Variants in FNTB observed in about 807,000 individuals in gnomAD.
FNTB encodes the protein farnesyltransferase, CAAX box, subunit beta, also known as protein farnesyltransferase subunit beta.
Under a neutral mutation model 59.4 loss-of-function variants are expected in FNTB, and 27 were observed. The observed-to-expected ratio is 0.45, with a 90% CI of 0.34 to 0.63. The LOEUF (loss-of-function observed/expected upper bound fraction) is 0.63, where lower values mean the gene tolerates loss of function less well. FNTB is among the 20% of genes least tolerant of loss of function. The probability of loss-of-function intolerance (pLI) is 0.02; values close to 1 mark genes in which losing one functional copy is unlikely to be tolerated. For synonymous variants in FNTB, 230 were observed against 220.7 expected, an observed-to-expected ratio of 1.04 and a Z score of -0.37; for missense variants, 449 against 559.6, an observed-to-expected ratio of 0.80 and a Z score of 1.99.
Position 65,014,632 on chromosome 14 carries a change from AGT to A in FNTB, c.283-991_283-990del, listed in dbSNP as rs1258043961. ...AGTTCAAGACCAGCCTGGGCAACAT[AGT>A]GGGATGCTGTCTCTATAAAAACTTA... On this transcript the variant is annotated intron_variant, in intron 3 of 11. Coordinates refer to ENST00000246166, the MANE Select transcript of FNTB (RefSeq NM_002028.4). The surrounding 1 kb of genome is among the most constrained non-coding windows in gnomAD (Gnocchi z 5.1). 6.6e-6 allele frequency among the ~76,000 whole-genome samples: 1 copy of A among 152,094 alleles called. No homozygotes were observed. Among genetic ancestry groups the A allele is most frequent in the Non-Finnish European group, 1.5e-5 (1 of 68,020 alleles).
rs2062112359 is a variant in FNTB at position 65,032,822 on chromosome 14, G to T, written c.692+126G>T. 4 of 752,630 alleles carry T rather than the reference G, an allele frequency of 5.3e-6. No individual in the cohort carries two copies. Among genetic ancestry groups the T allele is most frequent in the South Asian group, 2.9e-5 (1 of 34,684 alleles). 46.6% of individuals were successfully genotyped at this position (752,630 alleles called of 1,614,324 possible). On this transcript the variant is annotated intron_variant, in intron 7 of 11. Transcript: ENST00000246166. The surrounding 1 kb of genome is among the most constrained non-coding windows in gnomAD (Gnocchi z 5.0). ...CAAAAATCACAGGAGATCCATTAGG[G>T]TTATCTAATGATTTTTTTAAATACT...
intron 11 of FNTB, among the ~76,000 whole-genome samples, chr14:65,057,902 C>T (rs2062774750): frequency 6.6e-6 from 1 of 152,136 alleles, no homozygotes. Context: ...TTATTTTGTT[C>T]CTTTGGTCTG....
rs553683953 is a variant in FNTB, at chr14:64,997,694, C to G, written c.145-6555C>G. On this transcript the variant is annotated intron_variant, in intron 1 of 11. Coordinates refer to ENST00000246166, the MANE Select transcript of FNTB (RefSeq NM_002028.4). The surrounding 1 kb of genome is among the most constrained non-coding windows in gnomAD (Gnocchi z 4.5). ...AACAAAGAAGGATGTTGGGGAGGCC[C>G]GGAATGGGGAGGTGACCGGGAAAAG... Among the ~76,000 whole-genome samples, 1 of 152,070 alleles carries G rather than the reference C, an allele frequency of 6.6e-6. No homozygotes were observed. The highest frequency in any genetic ancestry group is 6.6e-5 in the Admixed American group (1 of 15,258).
At chr14:65,004,825 G>A (rs1482579717) in intron 2 of FNTB, among the ~76,000 whole-genome samples, 3 of 152,040 alleles carry the variant, frequency 2.0e-5, no homozygotes, top group African/African-American at 7.3e-5. Flanking sequence ...ACCACACTCG[G>A]CTAATTTTTG....
intron 1 of FNTB, among the ~76,000 whole-genome samples, chr14:64,993,663 T>C (rs1888286126): frequency 6.6e-6 from 1 of 152,148 alleles, no homozygotes; most frequent in Non-Finnish European, 1.5e-5. Context: ...ACATTCTGTC[T>C]CTGGGAGAGG....
At chr14:65,037,125 C>T (rs1329107560) in intron 7 of FNTB, among the ~76,000 whole-genome samples, 24 of 149,024 alleles carry the variant, frequency 1.6e-4, no homozygotes, top group African/African-American at 3.5e-4. Flanking sequence ...TCCTTTGAGA[C>T]GGAGTCTTGC....
At chr14:65,051,436 C>T (rs1172362150) in intron 9 of FNTB, among the ~76,000 whole-genome samples, 1 of 152,052 alleles carries the variant, frequency 6.6e-6, no homozygotes, top group East Asian at 1.9e-4. Flanking sequence ...CATAGTGAAA[C>T]CATGTCTCTA....
intron 11 of FNTB, among the ~76,000 whole-genome samples, chr14:65,059,177 C>T (rs1405139195): frequency 1.3e-5 from 2 of 152,108 alleles, no homozygotes; most frequent in Admixed American, 1.3e-4. Context: ...TGCACACCAC[C>T]AGAACCTGCT....
chr14:64,996,604 G>A (rs1395669479), intron 1 of FNTB, among the ~76,000 whole-genome samples: 1 of 152,178 alleles, frequency 6.6e-6, no homozygotes, highest in African/African-American at 2.4e-5. Flanking sequence ...TGCGTATGTT[G>A]TGGCCTGCCT....
rs1438927518 is a variant in FNTB, at chr14:65,011,724, G to A, written c.210-593G>A. The stretch of plus-strand genomic sequence containing the variant: ...ATTCCATCTTAAAGCCAGTATTGCT[G>A]ACTTGAAAGCCAAGGACAGCGACTG... On this transcript the variant is annotated intron_variant, in intron 2 of 11. Coordinates refer to ENST00000246166, the MANE Select transcript of FNTB (RefSeq NM_002028.4). The surrounding 1 kb of genome is among the most constrained non-coding windows in gnomAD (Gnocchi z 4.0). 6.6e-6 allele frequency among the ~76,000 whole-genome samples: 1 copy of A among 152,224 alleles called. No individual in the cohort carries two copies. Among genetic ancestry groups the A allele is most frequent in the Non-Finnish European group, 1.5e-5 (1 of 68,042 alleles).
At position 65,007,186 on chromosome 14, in the gene FNTB, G is replaced by T. The variant is rs1443007970; in HGVS notation, c.209+2873G>T. 6.6e-6 allele frequency among the ~76,000 whole-genome samples: 1 copy of T among 152,128 alleles called. No individual in the cohort carries two copies. Among genetic ancestry groups the T allele is most frequent in the Non-Finnish European group, 1.5e-5 (1 of 68,028 alleles). On this transcript the variant is annotated intron_variant, in intron 2 of 11. Coordinates refer to ENST00000246166, the MANE Select transcript of FNTB (RefSeq NM_002028.4). The surrounding 1 kb of genome is among the most constrained non-coding windows in gnomAD (Gnocchi z 4.9). ...ACATCACCATCATAGAATAAGCGAG[G>T]ATATAAGAATAAATTAGAAAATTTA...
intron 1 of FNTB, among the ~76,000 whole-genome samples, chr14:65,000,650 C>T (rs995874219): frequency 1.3e-5 from 2 of 151,696 alleles, no homozygotes; most frequent in Admixed American, 6.6e-5. Flanking sequence ...GAAACCCCTT[C>T]TCTACTAAAA....
In FNTB at chr14:65,061,125, TTA is replaced by T. The variant is rs908354048; in HGVS notation, c.1183-54_1183-53del. 12 of 1,601,244 alleles carry T rather than the reference TTA, an allele frequency of 7.5e-6. No individual in the cohort carries two copies. The South Asian group carries it at 1.2e-4, about 16-fold the overall frequency. ...TGCCTTTCATGGAGCAAAGGATGTGTTATGTTTTCAAGGACCACCGGGGTGAT... is the reference window on the plus strand; with the variant it reads ...TGCCTTTCATGGAGCAAAGGATGTGTTGTTTTCAAGGACCACCGGGGTGAT... On this transcript the variant is annotated intron_variant, in intron 11 of 11. Coordinates refer to ENST00000246166, the MANE Select transcript of FNTB (RefSeq NM_002028.4).
In FNTB at chr14:65,004,293, G is replaced by T. The variant is rs1197165738; in HGVS notation, c.189G>T (p.Lys63Asn). The T allele has an allele frequency of 3.7e-6, 6 of 1,613,098 alleles. No individual in the cohort carries two copies. Among genetic ancestry groups the T allele is most frequent in the Non-Finnish European group, 5.1e-6 (6 of 1,179,542 alleles). Residue 63 changes from lysine (K) to asparagine (N), a missense_variant, in exon 2 of 12, where the codon AAG (lysine) becomes AAT (asparagine). Lys to Asn is a moderately conservative substitution (Grantham distance 94). Around this residue, in one of 2 missense-constraint regions of FNTB, gnomAD observed 112 missense variants for 80.5 expected, o/e 1.39. Coordinates refer to ENST00000246166, the MANE Select transcript of FNTB (RefSeq NM_002028.4). ...EKIQEVFSSY[K>N]FNHLVPRLVL... Reference sequence around the variant, plus strand: ...TCCAAGAGGTCTTCAGTTCTTACAAGTTCAACCACCTTGTACCAAGGTAAG... The same window carrying T: ...TCCAAGAGGTCTTCAGTTCTTACAATTTCAACCACCTTGTACCAAGGTAAG...
chr14:65,025,151 T>A (rs965969917), intron 4 of FNTB, among the ~76,000 whole-genome samples: 5 of 152,188 alleles, frequency 3.3e-5, no homozygotes, highest in African/African-American at 1.2e-4. Context: ...GACAGTCAGA[T>A]GCAGCATGTC....
chr14:65,042,580 A>G (rs2062376672), intron 8 of FNTB, among the ~76,000 whole-genome samples: 1 of 152,138 alleles, frequency 6.6e-6, no homozygotes, highest in Admixed American at 6.6e-5. Context: ...CCCACCACTC[A>G]TGTCCTGCTG....
chr14:65,034,099 G>T (rs2062142401), intron 7 of FNTB, among the ~76,000 whole-genome samples: 1 of 152,030 alleles, frequency 6.6e-6, no homozygotes, highest in Admixed American at 6.6e-5. Context: ...TTCCCAAATT[G>T]TCTGTCAGAG....
At chr14:65,037,748 ATTTAT>A (rs1566562870) in intron 7 of FNTB, among the ~76,000 whole-genome samples, 5,919 of 74,730 alleles carry the variant, frequency 0.079, 141 homozygotes, top group Middle Eastern at 0.17. Flanking sequence ...TTTATTATTT[ATTTAT>A]TTATTTATTT....
rs1888340495 is a variant in FNTB, at chr14:64,994,997, T to A, written c.144+7900T>A. On this transcript the variant is annotated intron_variant, in intron 1 of 11. Coordinates refer to ENST00000246166, the MANE Select transcript of FNTB (RefSeq NM_002028.4). This position sits in a 1 kb window ranked among gnomAD's most constrained non-coding sequence, Gnocchi z 4.2. ...TTAAAACACAAGCACATTGTACTGC[T>A]GTACAAAAATATTTTCTGTATATTT... 6.6e-6 allele frequency among the ~76,000 whole-genome samples: 1 copy of A among 152,268 alleles called. No homozygotes were observed. Among genetic ancestry groups the A allele is most frequent in the East Asian group, 1.9e-4 (1 of 5,208 alleles).
Sources: allele counts gnomAD v4.1 joint callset (sites outside exome capture counted in the v4.1 genomes callset), GRCh38; gene constraint gnomAD v4.1.1; regional missense constraint gnomAD v4.1.1; non-coding constraint Gnocchi (gnomAD v3.1); transcripts MANE v1.5; gene names NCBI Gene and HGNC (gene_info 2026-07-23, HGNC 2026-07-21).